Variants in FHIP1A observed in about 807,000 individuals in gnomAD.
The protein encoded by FHIP1A is FHF complex subunit HOOK interacting protein 1A.
FHIP1A carries 61 observed loss-of-function variants against 88.6 expected under a neutral mutation model. The ratio of observed to expected loss-of-function variants is 0.69; its 90% confidence interval spans 0.56 to 0.85. FHIP1A has a LOEUF of 0.85. Among genes scored for constraint, FHIP1A ranks in the 40% least tolerant of loss-of-function variants. The pLI is 0.00. For missense variants in FHIP1A, 1,154 were observed against 1,273.5 expected (o/e 0.91, Z 1.43); for synonymous variants, 478 against 496.0 (o/e 0.96, Z 0.48).
At chr4:151,420,970 A>G (rs1414131835) in intron 1 of FHIP1A, among the ~76,000 whole-genome samples, 1 of 152,162 alleles carries the variant, frequency 6.6e-6, no homozygotes, top group African/African-American at 2.4e-5. Context: ...CTTTTATATC[A>G]TCCTTAACCT....
At chr4:151,581,731 T>A (rs560532140) in intron 5 of FHIP1A, among the ~76,000 whole-genome samples, 2 of 152,312 alleles carry the variant, frequency 1.3e-5, no homozygotes, top group South Asian at 4.1e-4. Flanking sequence ...AAAAGCATAC[T>A]CTATTAACCA....
chr4:151,470,847 A>G (rs1477933484), intron 2 of FHIP1A, among the ~76,000 whole-genome samples: 2 of 152,076 alleles, frequency 1.3e-5, no homozygotes, highest in Non-Finnish European at 2.9e-5. Flanking sequence ...GCATCCTTCT[A>G]CTGAAGTTTT....
intron 1 of FHIP1A, among the ~76,000 whole-genome samples, chr4:151,450,928 C>A (rs549934542): frequency 3.9e-5 from 6 of 152,120 alleles, no homozygotes; most frequent in African/African-American, 1.2e-4. Flanking sequence ...CAAGTGTGTG[C>A]CACCATGCTT....
chr4:151,461,681 C>T (rs1444800046), intron 2 of FHIP1A, among the ~76,000 whole-genome samples: 1 of 152,064 alleles, frequency 6.6e-6, no homozygotes, highest in Non-Finnish European at 1.5e-5. Context: ...CTATATTAGC[C>T]TCCAGGGAAA....
At chr4:151,522,511 T>C (rs978602783) in intron 3 of FHIP1A, among the ~76,000 whole-genome samples, 18 of 152,338 alleles carry the variant, frequency 1.2e-4, no homozygotes, top group Non-Finnish European at 2.9e-5. Context: ...TTTAACCAGG[T>C]TGGGAGAGAG....
intron 7 of FHIP1A, among the ~76,000 whole-genome samples, chr4:151,598,609 C>T (rs760322841): frequency 3.9e-5 from 6 of 152,142 alleles, no homozygotes; most frequent in African/African-American, 9.7e-5. Context: ...CTGCCATCAG[C>T]GTAGGCAGTT....
At chr4:151,472,954 G>C (rs781740004) in intron 2 of FHIP1A, among the ~76,000 whole-genome samples, 8 of 152,140 alleles carry the variant, frequency 5.3e-5, no homozygotes, top group Non-Finnish European at 1.2e-4. Flanking sequence ...ACTTAAGCCA[G>C]TCTTAATATT....
At chr4:151,448,652 A>T (rs1273211618) in intron 1 of FHIP1A, among the ~76,000 whole-genome samples, 1 of 152,178 alleles carries the variant, frequency 6.6e-6, no homozygotes, top group African/African-American at 2.4e-5. Flanking sequence ...TTCCTTCTTG[A>T]TGCTGAATAC....
At chr4:151,576,368 T>G (rs958810109) in intron 4 of FHIP1A, among the ~76,000 whole-genome samples, 2 of 152,136 alleles carry the variant, frequency 1.3e-5, no homozygotes, top group Non-Finnish European at 2.9e-5. Flanking sequence ...CAGGCTGGAG[T>G]GCAATGGCAC....
intron 11 of FHIP1A, among the ~76,000 whole-genome samples, chr4:151,652,993 G>A (rs767456717): frequency 2.7e-4 from 41 of 152,338 alleles, no homozygotes; most frequent in Non-Finnish European, 5.4e-4. Flanking sequence ...GGAGTGTGGG[G>A]AGAGCACTGG....
intron 3 of FHIP1A, among the ~76,000 whole-genome samples, chr4:151,546,960 CA>C (rs1732529954): frequency 6.6e-6 from 1 of 152,160 alleles, no homozygotes; most frequent in Non-Finnish European, 1.5e-5. Flanking sequence ...CCCACTTCAT[CA>C]GTTCCAGCAG....
At chr4:151,629,469 T>C (rs775752221) in intron 7 of FHIP1A, among the ~76,000 whole-genome samples, 3 of 152,230 alleles carry the variant, frequency 2.0e-5, no homozygotes, top group South Asian at 2.1e-4. Context: ...AACACTTGAA[T>C]TGATTCTTTA....
At chr4:151,588,795 G>A in intron 6 of FHIP1A, 45 bp from the exon 7 acceptor site, 1 of 1,177,544 alleles carries the variant, frequency 8.5e-7, no homozygotes, top group Non-Finnish European at 1.2e-6. Flanking sequence ...AAGAACTGAA[G>A]ATTGAACTCT....
At chr4:151,593,592 G>T (rs183682160) in intron 7 of FHIP1A, among the ~76,000 whole-genome samples, 1 of 152,214 alleles carries the variant, frequency 6.6e-6, no homozygotes, top group African/African-American at 2.4e-5. Flanking sequence ...AGGAATGCTC[G>T]TGATTTTGCA....
intron 3 of FHIP1A, among the ~76,000 whole-genome samples, chr4:151,557,896 C>T (rs947844019): frequency 2.0e-5 from 3 of 152,176 alleles, no homozygotes; most frequent in Non-Finnish European, 2.9e-5. Flanking sequence ...TTATTTACAT[C>T]TGTATGCTGA....
intron 3 of FHIP1A, among the ~76,000 whole-genome samples, chr4:151,515,309 T>A (rs988534108): frequency 4.6e-5 from 7 of 150,996 alleles, no homozygotes; most frequent in Non-Finnish European, 1.0e-4. Flanking sequence ...TATCTCAAAA[T>A]AATAAGAGCT....
intron 3 of FHIP1A, among the ~76,000 whole-genome samples, chr4:151,560,493 C>T (rs1424673540): frequency 6.6e-6 from 1 of 152,138 alleles, no homozygotes; most frequent in Non-Finnish European, 1.5e-5. Flanking sequence ...AGATTCAGAG[C>T]ATCTACTTCA....
At chr4:151,602,897 C>T (rs374347611) in intron 7 of FHIP1A, among the ~76,000 whole-genome samples, 58 of 152,276 alleles carry the variant, frequency 3.8e-4, no homozygotes, top group Middle Eastern at 3.4e-3. Context: ...AAGGGATTGT[C>T]CTGCTTTCTA....
At chr4:151,605,173 A>G (rs1216855510) in intron 7 of FHIP1A, among the ~76,000 whole-genome samples, 2 of 152,192 alleles carry the variant, frequency 1.3e-5, no homozygotes, top group African/African-American at 2.4e-5. Context: ...AAAAGGTTGT[A>G]TAAGTAGCAC....
Sources: gnomAD v4.1 joint callset for allele counts (sites outside exome capture counted in the v4.1 genomes callset) on GRCh38, gnomAD v4.1.1 for gene constraint, MANE v1.5 for transcripts, NCBI Gene and HGNC (gene_info 2026-07-23, HGNC 2026-07-21) for gene names.